LOXHD1: variants seen among roughly 807,000 people sequenced by gnomAD.
LOXHD1 encodes lipoxygenase homology PLAT domains 1.
In LOXHD1, 205 loss-of-function variants were observed where a neutral mutation model predicts 248.2. The ratio of observed to expected loss-of-function variants is 0.83; its 90% CI spans 0.74 to 0.93. The LOEUF (loss-of-function observed/expected upper bound fraction) is 0.93. LOXHD1 is among the 40% of genes least tolerant of loss of function. The pLI is 0.00. For missense variants in LOXHD1, 2,930 were observed against 2,971.6 expected (o/e 0.99, Z 0.33); for synonymous variants, 1,113 against 1,162.8 (o/e 0.96, Z 0.87).
intron 22 of LOXHD1, among the ~76,000 whole-genome samples, chr18:46,545,631 T>TTTTTTTTC (rs2036776066): frequency 3.6e-5 from 2 of 55,146 alleles, no homozygotes; most frequent in Non-Finnish European, 1.0e-4. Context: ...CCATTTCTTT[T>TTTTTTTTC]TTTTTTTTTT....
chr18:46,652,287 A>G (rs1237886457), intron 1 of LOXHD1, among the ~76,000 whole-genome samples: 2 of 152,234 alleles, frequency 1.3e-5, no homozygotes, highest in African/African-American at 4.8e-5. Flanking sequence ...TAAATGGTCC[A>G]TGAATTGATT....
chr18:46,567,288 T>C (rs577187500), intron 16 of LOXHD1, among the ~76,000 whole-genome samples: 5 of 152,376 alleles, frequency 3.3e-5, no homozygotes, highest in South Asian at 2.1e-4. Flanking sequence ...ATGTTAGCCA[T>C]GAGTCTGGTG....
chr18:46,509,732 C>T lies in LOXHD1; in HGVS notation c.5483G>A (p.Gly1828Asp). The T allele has an allele frequency of 1.3e-6, 2 of 1,551,610 alleles. No homozygotes were observed. The highest frequency in any genetic ancestry group is 1.7e-6 in the Non-Finnish European group (2 of 1,146,968). ...GAACCACTCCGGCCGACTGCCCAGG[C>T]CATCAATCCGGATCCGCATCTTGGT... ...PFTKMRIRID[G>D]LGSRPEWFLE... Residue 1828 changes from glycine to aspartate, a missense_variant, in exon 35 of 41, where the codon GGC becomes GAC. Physicochemically the swap from Gly to Asp is moderately conservative, Grantham distance 94. Coordinates refer to ENST00000642948, the MANE Select transcript of LOXHD1 (RefSeq NM_001384474.1).
At chr18:46,543,481 A>T (rs1351592163) in intron 23 of LOXHD1, among the ~76,000 whole-genome samples, 1 of 152,050 alleles carries the variant, frequency 6.6e-6, no homozygotes, top group African/African-American at 2.4e-5. Context: ...GTTTTTTTAC[A>T]TACGTATACA....
chr18:46,544,091 C>T (rs1375917935), intron 23 of LOXHD1, among the ~76,000 whole-genome samples: 1 of 152,164 alleles, frequency 6.6e-6, no homozygotes, highest in African/African-American at 2.4e-5. Context: ...GTCCCTGTAC[C>T]CCAATAAGTC....
chr18:46,494,253 G>A lies in LOXHD1; in HGVS notation c.5879-5111C>T, dbSNP rs572024857. Among the ~76,000 whole-genome samples the A allele has an allele frequency of 1.3e-4, 20 of 152,220 alleles. No individual in the cohort carries two copies. The South Asian group carries it at 4.1e-3, about 32-fold the overall frequency. Reference sequence around the variant, plus strand: ...TTAGGGAATGAGAATCATATCTTAGGAGCTCTTAATTGTATCACAGTGGTA... The same window carrying A: ...TTAGGGAATGAGAATCATATCTTAGAAGCTCTTAATTGTATCACAGTGGTA... On this transcript the variant is annotated intron_variant, in intron 37 of 40. Coordinates refer to ENST00000642948, the MANE Select transcript of LOXHD1 (RefSeq NM_001384474.1).
At chr18:46,636,469 G>A (rs1226687650) in intron 4 of LOXHD1, among the ~76,000 whole-genome samples, 1 of 152,168 alleles carries the variant, frequency 6.6e-6, no homozygotes, top group Non-Finnish European at 1.5e-5. Flanking sequence ...ACTCGACGAG[G>A]ATCTGCCAAT....
chr18:46,572,343 A>C (rs2037769083), intron 14 of LOXHD1, among the ~76,000 whole-genome samples, 181 bp from the exon 15 acceptor site: 1 of 152,132 alleles, frequency 6.6e-6, no homozygotes, highest in Non-Finnish European at 1.5e-5. Flanking sequence ...GACTTCCCGG[A>C]GGCAGTGGTG....
rs779091317 is a variant in LOXHD1, at chr18:46,529,284, C to G, written c.4423G>C (p.Gly1475Arg). The G allele has an allele frequency of 5.8e-6, 9 of 1,551,606 alleles. No individual in the cohort carries two copies. The African/African-American group carries it at 1.2e-4, about 21-fold the overall frequency. Residue 1475 changes from glycine (G) to arginine (R), a missense_variant, in exon 29 of 41, where the codon GGG (glycine) becomes CGG (arginine). Transcript: ENST00000642948. ...QIFTGNIPGA[G>R]TDAKVYITIY... ...GTGATGTACACCTTGGCATCCGTCC[C>G]TGCCCCAGGAATGTTCCCTGTGAAG...
chr18:46,545,693 G>A (rs1406705831), intron 22 of LOXHD1, among the ~76,000 whole-genome samples: 6 of 136,656 alleles, frequency 4.4e-5, no homozygotes, highest in African/African-American at 1.7e-4. Flanking sequence ...GCAGTGGCGG[G>A]ATCTCGGCTC....
At chr18:46,484,045 A>C (rs1052206985) in intron 39 of LOXHD1, among the ~76,000 whole-genome samples, 1 of 152,058 alleles carries the variant, frequency 6.6e-6, no homozygotes, top group Admixed American at 6.6e-5. Context: ...AGGGGAAGGG[A>C]AGAGTCCCCT....
chr18:46,479,864 C>CTGGGCA (rs1208226005), intron 40 of LOXHD1, among the ~76,000 whole-genome samples: 5 of 151,950 alleles, frequency 3.3e-5, no homozygotes, highest in Non-Finnish European at 7.4e-5. Context: ...CACAACAACC[C>CTGGGCA]TGGGCATCAT....
chr18:46,569,712 A>G, intron 15 of LOXHD1, 74 bp from the exon 16 acceptor site: 1 of 1,233,308 alleles, frequency 8.1e-7, no homozygotes, highest in Non-Finnish European at 1.1e-6. Context: ...GTGCGTGTAT[A>G]GGAGGGCAGC....
chr18:46,511,885 C>T (rs1237171114), intron 34 of LOXHD1, among the ~76,000 whole-genome samples: 1 of 152,206 alleles, frequency 6.6e-6, no homozygotes, highest in Non-Finnish European at 1.5e-5. Flanking sequence ...TTCTCCATAT[C>T]CAAGGCCATT....
chr18:46,522,251 GC>G lies in LOXHD1; in HGVS notation c.4934del (p.Ser1645ThrfsTer50). On this transcript the variant is annotated frameshift_variant, in exon 32 of 41. Transcript: ENST00000642948. LOFTEE classifies it high-confidence loss of function. The stretch of plus-strand genomic sequence containing the variant: ...CCCCGATGAGAAAGATGAAGGCTCG[GC>G]TGTCAGTGGCCGCGTCCTTGTGCTT... ...TGKHKDAATD[S>X]RAFIFLIGED... is the part of the protein sequence containing the mutation. The G allele has an allele frequency of 6.4e-7, 1 of 1,551,846 alleles. No individual in the cohort carries two copies. The highest frequency in any genetic ancestry group is 8.7e-7 in the Non-Finnish European group (1 of 1,147,036).
intron 28 of LOXHD1, among the ~76,000 whole-genome samples, chr18:46,529,725 T>C (rs2035980374): frequency 6.6e-6 from 1 of 152,156 alleles, no homozygotes; most frequent in African/African-American, 2.4e-5. Context: ...GCCTTCCCAT[T>C]TGAGGGTGAC....
intron 12 of LOXHD1, among the ~76,000 whole-genome samples, chr18:46,586,616 T>C (rs2038066108): frequency 1.8e-5 from 1 of 54,078 alleles, no homozygotes; most frequent in African/African-American, 4.7e-5. Flanking sequence ...TGGCTAATTT[T>C]TTTGTATTTT....
At position 46,518,263 on chromosome 18, in the gene LOXHD1, T is replaced by TG. The variant is rs777839038; in HGVS notation, c.5272-8dup. ...CCGTCATTTCATAGAGAACCTGCCA[T>TG]GAGAGGAATGCAGGTGCTGAGTCTC... On this transcript the variant is annotated splice_region_variant and splice_polypyrimidine_tract_variant and intron_variant, in intron 33 of 40. Coordinates refer to ENST00000642948, the MANE Select transcript of LOXHD1 (RefSeq NM_001384474.1). 7 of 1,550,820 alleles carry TG rather than the reference T, an allele frequency of 4.5e-6. No individual in the cohort carries two copies. The African/African-American group carries it at 9.6e-5, about 21-fold the overall frequency.
chr18:46,514,090 G>A (rs907628229), intron 34 of LOXHD1, among the ~76,000 whole-genome samples: 1 of 152,242 alleles, frequency 6.6e-6, no homozygotes, highest in African/African-American at 2.4e-5. Context: ...ATGGGGAGCT[G>A]CATCTCTATC....
Sources: gnomAD v4.1 joint callset for allele counts (sites outside exome capture counted in the v4.1 genomes callset) on GRCh38, gnomAD v4.1.1 for gene constraint, MANE v1.5 for transcripts, NCBI Gene and HGNC (gene_info 2026-07-23, HGNC 2026-07-21) for gene names.